Variants in TENM4 observed in about 807,000 individuals in gnomAD.
TENM4 encodes the protein teneurin transmembrane protein 4.
In TENM4, 82 loss-of-function variants were observed where a neutral mutation model predicts 243.3. The ratio of observed to expected loss-of-function variants is 0.34; its 90% confidence interval spans 0.28 to 0.40. The LOEUF (loss-of-function observed/expected upper bound fraction) is 0.40. TENM4 is among the 10% of genes least tolerant of loss of function. The pLI, the probability that TENM4 is intolerant of heterozygous loss-of-function variation, is 1.00. For missense variants in TENM4, 3,138 were observed against 3,673.3 expected, an observed-to-expected ratio of 0.85 and a Z score of 3.77; for synonymous variants, 1,412 against 1,456.3, an observed-to-expected ratio of 0.97 and a Z score of 0.69.
chr11:78,666,312 T>G (rs970091979), intron 32 of TENM4, among the ~76,000 whole-genome samples: 2 of 152,244 alleles, frequency 1.3e-5, no homozygotes, highest in African/African-American at 2.4e-5. Flanking sequence ...TGGAACAGAC[T>G]ACATTAGAAA....
intron 6 of TENM4, among the ~76,000 whole-genome samples, chr11:78,947,987 C>A (rs1367180250): frequency 6.6e-6 from 1 of 152,118 alleles, no homozygotes; most frequent in Non-Finnish European, 1.5e-5. Context: ...AAAAAAAGCA[C>A]CCAATCTCAC....
intron 4 of TENM4, among the ~76,000 whole-genome samples, chr11:79,110,520 A>G (rs1299075847): frequency 1.3e-5 from 2 of 152,042 alleles, no homozygotes; most frequent in African/African-American, 4.8e-5. Flanking sequence ...GGTCATGAGG[A>G]TTTTCTCACC....
At chr11:79,331,136 T>G (rs149868736) in intron 1 of TENM4, among the ~76,000 whole-genome samples, 1 of 152,156 alleles carries the variant, frequency 6.6e-6, no homozygotes, top group East Asian at 1.9e-4. Flanking sequence ...GAGGCATGGC[T>G]GCCTTGCTGA....
intron 1 of TENM4, among the ~76,000 whole-genome samples, chr11:79,368,321 T>C (rs921069475): frequency 6.6e-6 from 1 of 152,236 alleles, no homozygotes; most frequent in Non-Finnish European, 1.5e-5. Flanking sequence ...GAGCCACAGT[T>C]AGCATTTGTG....
chr11:79,020,727 G>A (rs554897263), intron 6 of TENM4, among the ~76,000 whole-genome samples: 23 of 152,188 alleles, frequency 1.5e-4, no homozygotes, highest in African/African-American at 5.5e-4. Flanking sequence ...AGTGATCTAT[G>A]GGGAAAGGTG....
chr11:78,844,931 G>A (rs913652548), intron 12 of TENM4, among the ~76,000 whole-genome samples: 1 of 152,144 alleles, frequency 6.6e-6, no homozygotes, highest in Non-Finnish European at 1.5e-5. Context: ...CTCTTTTCTT[G>A]TATTTTTCTT....
chr11:79,153,297 T>A (rs999843984), intron 3 of TENM4, among the ~76,000 whole-genome samples: 19 of 152,232 alleles, frequency 1.2e-4, no homozygotes, highest in Admixed American at 6.5e-5. Flanking sequence ...GAATATTAGA[T>A]GATTCTTCTT....
chr11:79,128,894 T>C (rs1861936806), intron 4 of TENM4, among the ~76,000 whole-genome samples: 1 of 152,164 alleles, frequency 6.6e-6, no homozygotes, highest in African/African-American at 2.4e-5. Context: ...GGGACTCAAA[T>C]GGACAGAGCA....
Position 79,215,810 on chromosome 11 carries a change from G to T in TENM4, c.-165C>A. 1 of 985,822 alleles carries T rather than the reference G, an allele frequency of 1.0e-6. No individual in the cohort carries two copies. Among genetic ancestry groups the T allele is most frequent in the Non-Finnish European group, 1.2e-6 (1 of 829,944 alleles). 61.1% of individuals were successfully genotyped at this position (985,822 alleles called of 1,614,324 possible). ...TCAGAGCAGACAAGGGGACTGACCT[G>T]GCTCCATGTCAGCACGTTCTGAAGA... is the stretch of plus-strand genomic sequence containing the variant. On this transcript the variant is annotated splice_region_variant and 5_prime_UTR_variant, in exon 3 of 34. Coordinates refer to ENST00000278550, the MANE Select transcript of TENM4 (RefSeq NM_001098816.3).
chr11:79,075,197 C>T (rs1249868642), intron 4 of TENM4, among the ~76,000 whole-genome samples: 1 of 152,258 alleles, frequency 6.6e-6, no homozygotes, highest in Non-Finnish European at 1.5e-5. Context: ...ATTTCTACCT[C>T]TGTGAATCGG....
At chr11:79,060,039 G>C (rs1200578152) in intron 6 of TENM4, among the ~76,000 whole-genome samples, 1 of 152,256 alleles carries the variant, frequency 6.6e-6, no homozygotes, top group Non-Finnish European at 1.5e-5. Context: ...AAGGAGCTCA[G>C]CATAGCTGTG....
intron 1 of TENM4, among the ~76,000 whole-genome samples, chr11:79,323,821 G>A (rs979628215): frequency 6.6e-6 from 1 of 152,060 alleles, no homozygotes; most frequent in African/African-American, 2.4e-5. Flanking sequence ...GGACTTGCCA[G>A]TTCCTACAAT....
At chr11:78,772,311 G>T (rs994405721) in intron 17 of TENM4, among the ~76,000 whole-genome samples, 5 of 151,976 alleles carry the variant, frequency 3.3e-5, no homozygotes, top group Non-Finnish European at 5.9e-5. Flanking sequence ...AGCTTCTATT[G>T]TGCCACTTGG....
chr11:78,870,385 T>C (rs1859090792), intron 9 of TENM4, among the ~76,000 whole-genome samples: 1 of 152,206 alleles, frequency 6.6e-6, no homozygotes, highest in Admixed American at 6.5e-5. Context: ...GGCCCTCACC[T>C]GCTCCCATTA....
intron 6 of TENM4, among the ~76,000 whole-genome samples, chr11:79,005,280 A>G (rs112454674): frequency 0.037 from 5,608 of 152,252 alleles, 329 homozygotes; most frequent in African/African-American, 0.13. Flanking sequence ...CATTATCCTG[A>G]TACCAAAACC....
intron 19 of TENM4, among the ~76,000 whole-genome samples, chr11:78,753,903 ACTT>A (rs750935216): frequency 4.1e-4 from 62 of 152,214 alleles, no homozygotes; most frequent in Non-Finnish European, 7.8e-4. Flanking sequence ...TGCAAAGTTG[ACTT>A]CTTCTGCTTC....
chr11:79,127,096 T>C (rs1861895041), intron 4 of TENM4, among the ~76,000 whole-genome samples: 1 of 152,086 alleles, frequency 6.6e-6, no homozygotes, highest in Non-Finnish European at 1.5e-5. Flanking sequence ...AGTGCTAGAA[T>C]GCATAATTGG....
At chr11:79,349,002 T>A (rs1478251490) in intron 1 of TENM4, among the ~76,000 whole-genome samples, 1 of 152,156 alleles carries the variant, frequency 6.6e-6, no homozygotes, top group East Asian at 1.9e-4. Flanking sequence ...CTGGAAGGGA[T>A]CTTGCCAAGC....
At chr11:78,856,979 T>C (rs1254093319) in intron 10 of TENM4, among the ~76,000 whole-genome samples, 1 of 152,138 alleles carries the variant, frequency 6.6e-6, no homozygotes, top group African/African-American at 2.4e-5. Flanking sequence ...ATTTCTATAC[T>C]GATTAGGAGG....
Sources: gnomAD v4.1 joint callset for allele counts (sites outside exome capture counted in the v4.1 genomes callset) on GRCh38, gnomAD v4.1.1 for gene constraint, MANE v1.5 for transcripts, NCBI Gene and HGNC (gene_info 2026-07-23, HGNC 2026-07-21) for gene names.